RAB31: variants seen among roughly 807,000 people sequenced by gnomAD.
RAB31 encodes RAB31, member RAS oncogene family.
RAB31 carries 21 observed loss-of-function variants against 25.6 expected under a neutral mutation model. The ratio of observed to expected loss-of-function variants is 0.82; its 90% confidence interval spans 0.58 to 1.18. The LOEUF is 1.18. Among genes scored for constraint, RAB31 ranks in the 50% most tolerant of loss-of-function variants. The pLI is 0.00. For missense variants in RAB31, 196 were observed against 250.1 expected, an observed-to-expected ratio of 0.78 and a Z score of 1.46; for synonymous variants, 87 against 84.0, an observed-to-expected ratio of 1.04 and a Z score of -0.20.
chr18:9,772,213 C>T (rs12963858), intron 1 of RAB31, among the ~76,000 whole-genome samples: 7,479 of 144,284 alleles, frequency 0.052, 322 homozygotes, highest in South Asian at 0.13. Flanking sequence ...TTCAGACCAG[C>T]GCCCCCACCG....
At chr18:9,859,137 A>AAATGTT in intron 6 of RAB31, 91 bp from the exon 7 acceptor site, 1 of 1,072,388 alleles carries the variant, frequency 9.3e-7, no homozygotes, top group Non-Finnish European at 1.4e-6. Context: ...TGCACAGCCC[A>AAATGTT]AAGCAGGAGT....
chr18:9,767,234 T>A (rs2068320743), intron 1 of RAB31, among the ~76,000 whole-genome samples: 1 of 152,232 alleles, frequency 6.6e-6, no homozygotes, highest in South Asian at 2.1e-4. Flanking sequence ...ACTCAAGGTT[T>A]GAAAGACTAT....
chr18:9,809,012 A>G (rs555507152), intron 3 of RAB31, among the ~76,000 whole-genome samples: 1 of 130,212 alleles, frequency 7.7e-6, no homozygotes, highest in Admixed American at 8.6e-5. Flanking sequence ...ATTTCCTGGA[A>G]TAAGACTTTC....
chr18:9,791,753 C>T (rs906830058), intron 2 of RAB31, among the ~76,000 whole-genome samples: 18 of 152,156 alleles, frequency 1.2e-4, no homozygotes, highest in Admixed American at 5.9e-4. Flanking sequence ...GCCACCACGC[C>T]GCCACCAGGC....
intron 5 of RAB31, among the ~76,000 whole-genome samples, chr18:9,818,075 A>T (rs943505547): frequency 6.6e-6 from 1 of 152,210 alleles, no homozygotes; most frequent in Admixed American, 6.5e-5. Context: ...ATCTTTTGTT[A>T]TACACAGTTA....
chr18:9,836,647 C>T (rs908833486), intron 5 of RAB31, among the ~76,000 whole-genome samples: 4 of 150,736 alleles, frequency 2.7e-5, no homozygotes, highest in Non-Finnish European at 5.9e-5. Context: ...GTAGACATTC[C>T]GATTCTGTAG....
intron 5 of RAB31, among the ~76,000 whole-genome samples, chr18:9,834,398 G>A (rs1387005564): frequency 6.6e-6 from 1 of 152,172 alleles, no homozygotes; most frequent in Non-Finnish European, 1.5e-5. Flanking sequence ...TTACAGGCTT[G>A]AGCCACTGTG....
At chr18:9,710,156 G>C (rs4500811) in intron 1 of RAB31, among the ~76,000 whole-genome samples, 57,918 of 152,046 alleles carry the variant, frequency 0.38, 12,025 homozygotes, top group African/African-American at 0.55. Flanking sequence ...CAGGTGGCAA[G>C]AACCCTGTGT....
At chr18:9,731,186 C>T (rs533438263) in intron 1 of RAB31, among the ~76,000 whole-genome samples, 8 of 152,254 alleles carry the variant, frequency 5.3e-5, no homozygotes, top group East Asian at 1.9e-4. Context: ...CTCAAGTGAT[C>T]GTCCCGCCTT....
intron 1 of RAB31, among the ~76,000 whole-genome samples, chr18:9,711,414 C>T (rs143353110): frequency 3.5e-4 from 54 of 152,274 alleles, no homozygotes; most frequent in African/African-American, 1.3e-3. Flanking sequence ...ACTCTGTCAC[C>T]CAGGCTGGAG....
intron 2 of RAB31, among the ~76,000 whole-genome samples, chr18:9,788,580 A>G (rs1167893840): frequency 6.6e-6 from 1 of 152,250 alleles, no homozygotes; most frequent in Admixed American, 6.5e-5. Flanking sequence ...GTGAATCACT[A>G]TATCAAAGGG....
chr18:9,768,122 A>T (rs986066730), intron 1 of RAB31, among the ~76,000 whole-genome samples: 1 of 151,914 alleles, frequency 6.6e-6, no homozygotes, highest in East Asian at 1.9e-4. Flanking sequence ...TCTATCATTG[A>T]TGGGCAAGTC....
At chr18:9,716,591 G>A (rs2068045460) in intron 1 of RAB31, among the ~76,000 whole-genome samples, 1 of 152,160 alleles carries the variant, frequency 6.6e-6, no homozygotes, top group Non-Finnish European at 1.5e-5. Flanking sequence ...AGCCCAGGAT[G>A]GAGGCGTCTG....
At chr18:9,793,113 T>C (rs1436248589) in intron 3 of RAB31, among the ~76,000 whole-genome samples, 1 of 152,282 alleles carries the variant, frequency 6.6e-6, no homozygotes, top group East Asian at 1.9e-4. Flanking sequence ...TTGCTGTGTC[T>C]CCCAGGCTGG....
chr18:9,836,881 C>T (rs1011357297), intron 5 of RAB31, among the ~76,000 whole-genome samples: 1 of 149,002 alleles, frequency 6.7e-6, no homozygotes, highest in Non-Finnish European at 1.5e-5. Flanking sequence ...TGGGGTGAAA[C>T]ACAGGGAGAG....
intron 6 of RAB31, among the ~76,000 whole-genome samples, chr18:9,858,851 C>T (rs1001360357): frequency 6.6e-5 from 10 of 152,222 alleles, no homozygotes; most frequent in Non-Finnish European, 1.2e-4. Context: ...CCATGAAAGC[C>T]GCTCATTAAA....
intron 1 of RAB31, among the ~76,000 whole-genome samples, chr18:9,711,613 T>C (rs773588521): frequency 5.9e-5 from 9 of 152,232 alleles, no homozygotes; most frequent in Non-Finnish European, 1.2e-4. Context: ...AACAGGAACC[T>C]TGGGCTCATT....
chr18:9,807,365 G>A (rs1039281806), intron 3 of RAB31, among the ~76,000 whole-genome samples: 7 of 151,086 alleles, frequency 4.6e-5, no homozygotes, highest in Admixed American at 4.6e-4. Context: ...CCTGGGCAGA[G>A]CGGAGAGAGG....
At position 9,708,561 on chromosome 18, in the gene RAB31, T is replaced by A; in HGVS notation, c.39+117T>A. 1 of 880,230 alleles carries A rather than the reference T, an allele frequency of 1.1e-6. No individual in the cohort carries two copies. The highest frequency in any genetic ancestry group is 1.6e-6 in the Non-Finnish European group (1 of 632,118). The allele number at this position is 880,230 out of a possible 1,614,324, so 54.5% of individuals were successfully genotyped here. On this transcript the variant is annotated intron_variant, in intron 1 of 6. Transcript: ENST00000578921. The surrounding 1 kb of genome is among the most constrained non-coding windows in gnomAD (Gnocchi z 6.4). ...CCCCTCGCTCTCCGCACCCCTCTCG[T>A]AGCCCCCGTCCCCCTCGTCCGCGCG... is the stretch of plus-strand genomic sequence containing the variant.
Sources: gnomAD v4.1 joint callset for allele counts (sites outside exome capture counted in the v4.1 genomes callset) on GRCh38, gnomAD v4.1.1 for gene constraint, Gnocchi (gnomAD v3.1) non-coding constraint, MANE v1.5 for transcripts, NCBI Gene and HGNC (gene_info 2026-07-23, HGNC 2026-07-21) for gene names.